Variants in BRAF observed in about 807,000 individuals in gnomAD.
The protein encoded by BRAF is serine/threonine-protein kinase B-raf.
BRAF carries 16 observed loss-of-function variants against 104.6 expected under a neutral mutation model. The ratio of observed to expected loss-of-function variants is 0.15; its 90% CI spans 0.10 to 0.23. The LOEUF (loss-of-function observed/expected upper bound fraction) is 0.23, where lower values mean the gene tolerates loss of function less well. Ranked by LOEUF, BRAF falls within the 10% of genes least tolerant of loss-of-function variation. The pLI is 1.00. For synonymous variants in BRAF, 310 were observed against 341.6 expected (o/e 0.91, Z 1.02); for missense variants, 541 against 937.3 (o/e 0.58, Z 5.52).
intron 10 of BRAF, among the ~76,000 whole-genome samples, chr7:140,784,278 T>C (rs995665514): frequency 6.6e-6 from 1 of 152,244 alleles, no homozygotes; most frequent in African/African-American, 2.4e-5. Context: ...TATCACCATG[T>C]AGAATTTTCA....
At chr7:140,753,009 T>C (rs1797908761) in intron 16 of BRAF, among the ~76,000 whole-genome samples, 2 of 152,138 alleles carry the variant, frequency 1.3e-5, no homozygotes, top group Non-Finnish European at 2.9e-5. Flanking sequence ...TAAGGGTTCA[T>C]ATTTATTTAA....
At chr7:140,884,638 T>C (rs6948703) in intron 1 of BRAF, among the ~76,000 whole-genome samples, 45,616 of 151,634 alleles carry the variant, frequency 0.3, 10,917 homozygotes, top group African/African-American at 0.67. Flanking sequence ...CACCATCACG[T>C]CTGGCTAATT....
At chr7:140,827,954 C>A (rs531917047) in intron 3 of BRAF, among the ~76,000 whole-genome samples, 1 of 151,944 alleles carries the variant, frequency 6.6e-6, no homozygotes, top group South Asian at 2.1e-4. Context: ...TGGAGTGCAA[C>A]GGCGCAATCT....
At chr7:140,922,172 G>A (rs1818297387) in intron 1 of BRAF, among the ~76,000 whole-genome samples, 2 of 152,134 alleles carry the variant, frequency 1.3e-5, no homozygotes, top group African/African-American at 4.8e-5. Flanking sequence ...GGGTAAAGAG[G>A]ACAGTAGGAA....
chr7:140,732,766 G>A (rs1796083903), intron 19 of BRAF: 1 of 152,214 alleles, frequency 6.6e-6, no homozygotes, highest in Non-Finnish European at 1.5e-5. Context: ...AGGCAGGTAT[G>A]CTGGGAAATT....
rs569644943 is a variant in BRAF, at chr7:140,841,200, AC to A, written c.241-6329del. ...CCAAATGAAATACCAATTCACACCT[AC>A]TAAGATGGCTTTAATTAAAAAAACA... is the stretch of plus-strand genomic sequence containing the variant. On this transcript the variant is annotated intron_variant, in intron 2 of 19. Coordinates refer to ENST00000644969, the MANE Select transcript of BRAF (RefSeq NM_001374258.1). Among the ~76,000 whole-genome samples the A allele has an allele frequency of 2.8e-3, 423 of 152,338 alleles. 2 individuals carry two copies. The highest frequency in any genetic ancestry group is 3.9e-3 in the Non-Finnish European group (265 of 68,030).
At chr7:140,773,633 T>C (rs1800053039) in intron 14 of BRAF, among the ~76,000 whole-genome samples, 1 of 152,218 alleles carries the variant, frequency 6.6e-6, no homozygotes, top group Non-Finnish European at 1.5e-5. Flanking sequence ...AGGATAGGGA[T>C]GGAGCAGTTA....
chr7:140,912,781 C>T (rs1817132585), intron 1 of BRAF, among the ~76,000 whole-genome samples: 2 of 152,214 alleles, frequency 1.3e-5, no homozygotes, highest in African/African-American at 2.4e-5. Flanking sequence ...CTCCTCACCT[C>T]GGGTGATCTG....
chr7:140,811,703 G>A lies in BRAF; in HGVS notation c.505-2708C>T, dbSNP rs151236163. ...ATTAGATGTACAAAAAATTTAGTTT[G>A]GTGCAAGCACACTTTTAAGCCAATA... On this transcript the variant is annotated intron_variant, in intron 3 of 19. Transcript: ENST00000644969. Among the ~76,000 whole-genome samples the A allele has an allele frequency of 7.2e-5, 11 of 152,206 alleles. No individual in the cohort carries two copies. The East Asian group carries it at 2.1e-3, about 29-fold the overall frequency.
In BRAF at chr7:140,924,553, C is replaced by T. The variant is rs1221470509; in HGVS notation, c.138+13G>A. 1.3e-6 allele frequency: 2 copies of T among 1,533,138 alleles called. No individual in the cohort carries two copies. Among genetic ancestry groups the T allele is most frequent in the African/African-American group, 2.7e-5 (2 of 72,992 alleles). 95.0% of individuals were successfully genotyped at this position (1,533,138 alleles called of 1,614,324 possible). ...CGGAGTCGGGAGGGCGGCAGGGTGGCGCCAGCACTCACCTCCTCCGGAATG... is the reference window on the plus strand; with the variant it reads ...CGGAGTCGGGAGGGCGGCAGGGTGGTGCCAGCACTCACCTCCTCCGGAATG... On this transcript the variant is annotated intron_variant, in intron 1 of 19. Transcript: ENST00000644969. This position sits in a 1 kb window ranked among gnomAD's most constrained non-coding sequence, Gnocchi z 4.2.
intron 18 of BRAF, among the ~76,000 whole-genome samples, chr7:140,738,908 G>A (rs1440565453): frequency 6.6e-6 from 1 of 151,308 alleles, no homozygotes; most frequent in Admixed American, 6.6e-5. Context: ...ACGACACCTG[G>A]CCTTAGTTAC....
chr7:140,821,102 CCG>C (rs907650099), intron 3 of BRAF, among the ~76,000 whole-genome samples: 3 of 151,756 alleles, frequency 2.0e-5, no homozygotes, highest in Non-Finnish European at 2.9e-5. Context: ...CTGGATTATC[CCG>C]CCTCAGTCTC....
At chr7:140,727,814 G>C (rs1563225063) in intron 19 of BRAF, among the ~76,000 whole-genome samples, 1 of 151,582 alleles carries the variant, frequency 6.6e-6, no homozygotes, top group East Asian at 2.0e-4. Context: ...GTAGAGACAG[G>C]GTTTCACTGT....
intron 1 of BRAF, among the ~76,000 whole-genome samples, chr7:140,899,470 G>A (rs188749586): frequency 6.6e-6 from 1 of 152,114 alleles, no homozygotes; most frequent in East Asian, 1.9e-4. Flanking sequence ...ATCCATCAGT[G>A]GAAGACAGTT....
chr7:140,919,042 G>A (rs1586656399), intron 1 of BRAF, among the ~76,000 whole-genome samples: 2 of 152,088 alleles, frequency 1.3e-5, no homozygotes, highest in South Asian at 2.1e-4. Flanking sequence ...GGGAGGCTGA[G>A]GCAGGAGAAA....
At chr7:140,910,779 C>T (rs1816880110) in intron 1 of BRAF, among the ~76,000 whole-genome samples, 1 of 152,064 alleles carries the variant, frequency 6.6e-6, no homozygotes, top group Non-Finnish European at 1.5e-5. Flanking sequence ...TCAAGCAATC[C>T]TCCCGCCCTC....
intron 8 of BRAF, among the ~76,000 whole-genome samples, chr7:140,790,655 A>ATG (rs1415225923): frequency 2.0e-5 from 3 of 152,212 alleles, no homozygotes; most frequent in Admixed American, 2.0e-4. Flanking sequence ...AGAGCTGGCT[A>ATG]TGTCCATCTT....
At chr7:140,834,494 A>C (rs1456341096) in intron 3 of BRAF, 115 bp downstream of exon 3, 29 of 1,375,862 alleles carry the variant, frequency 2.1e-5, no homozygotes, top group Non-Finnish European at 2.9e-5. Flanking sequence ...TATGACATGG[A>C]TGCCTCTATT....
At chr7:140,839,649 G>A (rs1040688431) in intron 2 of BRAF, among the ~76,000 whole-genome samples, 1 of 152,168 alleles carries the variant, frequency 6.6e-6, no homozygotes, top group Non-Finnish European at 1.5e-5. Flanking sequence ...AGGATCGCCT[G>A]AGCCCAGGAG....
Sources: allele counts gnomAD v4.1 joint callset (sites outside exome capture counted in the v4.1 genomes callset), GRCh38; gene constraint gnomAD v4.1.1; non-coding constraint Gnocchi (gnomAD v3.1); transcripts MANE v1.5; gene names NCBI Gene and HGNC (gene_info 2026-07-23, HGNC 2026-07-21).